Variants in INPP5F observed in about 807,000 individuals in gnomAD.
INPP5F encodes the protein phosphatidylinositide 4-phosphatase SAC2.
A neutral mutation model predicts 137.2 loss-of-function variants in INPP5F; 97 were observed. That is an observed-to-expected ratio of 0.71 (90% confidence interval 0.60 to 0.84). The LOEUF (loss-of-function observed/expected upper bound fraction) is 0.84, where lower values mean the gene tolerates loss of function less well. INPP5F is among the 40% of genes least tolerant of loss of function. The probability of loss-of-function intolerance (pLI) is 0.00; values close to 1 mark genes in which losing one functional copy is unlikely to be tolerated. For missense variants in INPP5F, 1,271 were observed against 1,371.9 expected, an observed-to-expected ratio of 0.93 and a Z score of 1.16; for synonymous variants, 504 against 476.9, an observed-to-expected ratio of 1.06 and a Z score of -0.74.
chr10:119,747,361 A>G (rs1848566106), intron 1 of INPP5F, among the ~76,000 whole-genome samples: 1 of 151,776 alleles, frequency 6.6e-6, no homozygotes. Context: ...AGCTGGGATT[A>G]CAGGCACGCA....
chr10:119,810,647 A>C (rs1051549932), intron 14 of INPP5F, among the ~76,000 whole-genome samples: 1 of 152,216 alleles, frequency 6.6e-6, no homozygotes. Context: ...CTTTTCCATA[A>C]GCATGGTTTA....
chr10:119,794,166 C>T (rs1239826059), intron 6 of INPP5F, among the ~76,000 whole-genome samples: 1 of 151,858 alleles, frequency 6.6e-6, no homozygotes, highest in Non-Finnish European at 1.5e-5. Flanking sequence ...GACCCTGCGG[C>T]CTTCCGCAGT....
At chr10:119,752,734 T>A (rs1848723353) in intron 2 of INPP5F, among the ~76,000 whole-genome samples, 1 of 152,116 alleles carries the variant, frequency 6.6e-6, no homozygotes, top group African/African-American at 2.4e-5. Context: ...TTGCTTTTAT[T>A]ATATAGGTAT....
chr10:119,762,478 C>T (rs553703607), intron 2 of INPP5F, among the ~76,000 whole-genome samples: 1 of 152,282 alleles, frequency 6.6e-6, no homozygotes, highest in South Asian at 2.1e-4. Context: ...CCTCCCAATA[C>T]CATAATATGG....
chr10:119,822,458 C>A lies in INPP5F; in HGVS notation c.1986C>A (p.Asn662Lys). The change falls in exon 17 of 20, where the codon AAC becomes AAA. Residue 662 changes from asparagine to lysine, a missense_variant. Transcript: ENST00000650623. ...AYYDDEVDKV[N>K]QYQRLSLENL... ...ATGATGATGAAGTTGATAAAGTAAA[C>A]CAGTATCAACGACTAAGTCTAGAAA... The A allele has an allele frequency of 6.5e-7, 1 of 1,528,790 alleles. No individual in the cohort carries two copies. The highest frequency in any genetic ancestry group is 9.0e-7 in the Non-Finnish European group (1 of 1,115,340). The allele number at this position is 1,528,790 out of a possible 1,614,324, so 94.7% of individuals were successfully genotyped here.
intron 6 of INPP5F, 110 bp downstream of exon 6, chr10:119,792,323 A>G (rs957777611): frequency 5.8e-5 from 44 of 763,634 alleles, no homozygotes; most frequent in Middle Eastern, 3.7e-4. Context: ...ATTAAGATAC[A>G]TTTTTAAAGA....
At chr10:119,739,574 G>A (rs929264331) in intron 1 of INPP5F, among the ~76,000 whole-genome samples, 3 of 152,158 alleles carry the variant, frequency 2.0e-5, no homozygotes, top group Non-Finnish European at 4.4e-5. Context: ...ACTGTAAATA[G>A]CCATAGAATT....
At chr10:119,806,587 C>T in intron 12 of INPP5F, 107 bp downstream of exon 12, 1 of 1,059,818 alleles carries the variant, frequency 9.4e-7, no homozygotes. Flanking sequence ...TTCTTTACAA[C>T]ATTTACAATA....
intron 3 of INPP5F, among the ~76,000 whole-genome samples, chr10:119,786,459 T>C (rs976445420): frequency 6.6e-6 from 1 of 152,226 alleles, no homozygotes; most frequent in Admixed American, 6.5e-5. Flanking sequence ...GAATTTAACC[T>C]TTTCAGAAAG....
intron 6 of INPP5F, among the ~76,000 whole-genome samples, chr10:119,795,806 G>C (rs1037687898): frequency 6.6e-6 from 1 of 152,178 alleles, no homozygotes; most frequent in Non-Finnish European, 1.5e-5. Context: ...CTGAGTGAAC[G>C]AGACTCCGTC....
rs1362258175 is a variant in INPP5F, at chr10:119,778,586, G to C, written c.179-3049G>C. Among the ~76,000 whole-genome samples the C allele has an allele frequency of 2.6e-5, 4 of 152,174 alleles. No homozygotes were observed. In the East Asian group the frequency reaches 7.7e-4, roughly 29 times the overall value. ...CTTGTGTTTATTAAAGGTTTCTTTA[G>C]GTTGTTTTGCCATTTTCCCTCCATT... is the stretch of plus-strand genomic sequence containing the variant. On this transcript the variant is annotated intron_variant, in intron 2 of 19. Coordinates refer to ENST00000650623, the MANE Select transcript of INPP5F (RefSeq NM_014937.4).
At chr10:119,799,344 T>C (rs1160716582) in intron 9 of INPP5F, 1 of 439,628 alleles carries the variant, frequency 2.3e-6, no homozygotes, top group Admixed American at 2.5e-5. Context: ...CAGCCTAAAA[T>C]AACATACAAA....
In INPP5F at chr10:119,770,411, G is replaced by A. The variant is rs911469478; in HGVS notation, c.179-11224G>A. On this transcript the variant is annotated intron_variant, in intron 2 of 19. Coordinates refer to ENST00000650623, the MANE Select transcript of INPP5F (RefSeq NM_014937.4). ...TTGGTGCTTTTAAAAATTGTACTGT[G>A]AAATTAGGCCTGATGGATAATAGGA... Among the ~76,000 whole-genome samples the A allele has an allele frequency of 3.9e-5, 6 of 152,194 alleles. 1 individual carries two copies. In the South Asian group the frequency reaches 1.0e-3, roughly 26 times the overall value.
chr10:119,826,574 G>A (rs1851768119), intron 19 of INPP5F, 57 bp from the exon 20 acceptor site: 1 of 1,320,048 alleles, frequency 7.6e-7, no homozygotes, highest in South Asian at 1.4e-5. Flanking sequence ...GTTAATAACT[G>A]GAACTGGCAT....
At chr10:119,794,754 C>T (rs1300985475) in intron 6 of INPP5F, among the ~76,000 whole-genome samples, 28 of 138,034 alleles carry the variant, frequency 2.0e-4, no homozygotes, top group African/African-American at 6.0e-4. Flanking sequence ...GGCTGACCCC[C>T]CCACCTCCCT....
In INPP5F at chr10:119,806,348, AT is replaced by A. The variant is rs1335462756; in HGVS notation, c.1320-7del. 1 of 1,500,892 alleles carries A rather than the reference AT, an allele frequency of 6.7e-7. No homozygotes were observed. The highest frequency in any genetic ancestry group is 2.5e-5 in the East Asian group (1 of 40,636). 93.0% of individuals were successfully genotyped at this position (1,500,892 alleles called of 1,614,324 possible). On this transcript the variant is annotated splice_polypyrimidine_tract_variant and intron_variant, in intron 11 of 19. Transcript: ENST00000650623. ...TTATATTGTAAAATAATTCTGTATT[AT>A]TTTTAAAAAGGGTTGATGAAGCTGG... is the stretch of plus-strand genomic sequence containing the variant.
chr10:119,738,828 T>G (rs1173981410), intron 1 of INPP5F, among the ~76,000 whole-genome samples: 1 of 152,108 alleles, frequency 6.6e-6, no homozygotes, highest in East Asian at 1.9e-4. Context: ...TCTATATTAG[T>G]ATGAGAAGTT....
intron 6 of INPP5F, among the ~76,000 whole-genome samples, chr10:119,796,355 C>G (rs914352524): frequency 2.0e-5 from 3 of 152,284 alleles, no homozygotes; most frequent in Non-Finnish European, 2.9e-5. Context: ...ATGGCAGGCA[C>G]TGTGCTAAAC....
In INPP5F at chr10:119,822,521, TAATCA is replaced by T; in HGVS notation, c.2032+19_2032+23del. 8.1e-7 allele frequency: 1 copy of T among 1,238,268 alleles called. No homozygotes were observed. The highest frequency in any genetic ancestry group is 1.2e-6 in the Non-Finnish European group (1 of 865,474). 76.7% of individuals were successfully genotyped at this position (1,238,268 alleles called of 1,614,324 possible). ...TTGAAATAGGTAAGTTTTAACATAC[TAATCA>T]AGTCATCAAAAGCAAATGCTGTTGT... On this transcript the variant is annotated intron_variant, in intron 17 of 19. Coordinates refer to ENST00000650623, the MANE Select transcript of INPP5F (RefSeq NM_014937.4).
Sources: gnomAD v4.1 joint callset for allele counts (sites outside exome capture counted in the v4.1 genomes callset) on GRCh38, gnomAD v4.1.1 for gene constraint, MANE v1.5 for transcripts, NCBI Gene and HGNC (gene_info 2026-07-23, HGNC 2026-07-21) for gene names.